Variants in SLC16A7 observed in about 807,000 individuals in gnomAD.
SLC16A7 encodes the protein monocarboxylate transporter 2.
SLC16A7 carries 33 observed loss-of-function variants against 34.9 expected under a neutral mutation model. That is an observed-to-expected ratio of 0.94 (90% CI 0.72 to 1.26). The LOEUF (loss-of-function observed/expected upper bound fraction) is 1.26, where lower values mean the gene tolerates loss of function less well. Ranked by LOEUF, SLC16A7 falls within the 50% of genes most tolerant of loss-of-function variation. The probability of loss-of-function intolerance (pLI) is 0.00; values close to 1 mark genes in which losing one functional copy is unlikely to be tolerated. For missense variants in SLC16A7, 573 were observed against 578.1 expected (o/e 0.99, Z 0.09); for synonymous variants, 201 against 206.6 (o/e 0.97, Z 0.23).
chr12:59,726,556 G>A (rs942905338), intron 3 of SLC16A7, among the ~76,000 whole-genome samples: 9 of 152,026 alleles, frequency 5.9e-5, no homozygotes, highest in Admixed American at 1.3e-4. Flanking sequence ...GAATTATGTG[G>A]TCTAAAATCT....
At chr12:59,613,827 A>G (rs896234005) in intron 1 of SLC16A7, among the ~76,000 whole-genome samples, 3 of 152,216 alleles carry the variant, frequency 2.0e-5, no homozygotes, top group Non-Finnish European at 2.9e-5. Context: ...AGAGTCTATG[A>G]CCAACAATTC....
chr12:59,740,942 G>A (rs1878253701), intron 3 of SLC16A7, among the ~76,000 whole-genome samples: 1 of 152,148 alleles, frequency 6.6e-6, no homozygotes, highest in Admixed American at 6.5e-5. Context: ...GCCAAATCAT[G>A]TGTGAACTCC....
intron 2 of SLC16A7, among the ~76,000 whole-genome samples, chr12:59,685,744 G>T (rs1025010664): frequency 6.6e-6 from 1 of 151,788 alleles, no homozygotes; most frequent in Non-Finnish European, 1.5e-5. Context: ...AATATACAAG[G>T]TTCTGTTTTC....
intron 3 of SLC16A7, among the ~76,000 whole-genome samples, chr12:59,757,850 C>T (rs1018354678): frequency 2.6e-5 from 4 of 152,068 alleles, no homozygotes; most frequent in African/African-American, 7.2e-5. Flanking sequence ...TTATGATTTT[C>T]TTAATTGCAT....
At chr12:59,626,494 A>C (rs776912277) in intron 1 of SLC16A7, among the ~76,000 whole-genome samples, 19 of 151,898 alleles carry the variant, frequency 1.3e-4, no homozygotes, top group Non-Finnish European at 1.6e-4. Flanking sequence ...AATTCTCTCC[A>C]TTTGACAGAT....
chr12:59,627,748 A>C (rs1390300700), intron 1 of SLC16A7, among the ~76,000 whole-genome samples: 1 of 149,746 alleles, frequency 6.7e-6, no homozygotes, highest in Non-Finnish European at 1.5e-5. Context: ...TTTCTTACTC[A>C]TTTTTTTCAG....
rs67613365 is a variant in SLC16A7 at position 59,596,489 on chromosome 12, TGA to T, written c.-130+255_-130+256del. Among the ~76,000 whole-genome samples, 98,259 of 151,554 alleles carry T rather than the reference TGA, an allele frequency of 0.65. 32,273 individuals carry two copies. The highest frequency in any genetic ancestry group is 0.78 in the South Asian group (3,768 of 4,814). ...TGCGCGCCGACAGCTGCCCGGGAAC[TGA>T]GGGGGCGCGCGGGGTCCTGGGCAAG... On this transcript the variant is annotated intron_variant, in intron 1 of 5. Transcript: ENST00000547379. This position sits in a 1 kb window ranked among gnomAD's most constrained non-coding sequence, Gnocchi z 5.0.
chr12:59,615,517 A>G (rs953836746), intron 1 of SLC16A7, among the ~76,000 whole-genome samples: 2 of 152,212 alleles, frequency 1.3e-5, no homozygotes, highest in Non-Finnish European at 2.9e-5. Context: ...TAAGATTAAA[A>G]AGAGGCACAT....
intron 3 of SLC16A7, among the ~76,000 whole-genome samples, chr12:59,750,259 A>C (rs12581981): frequency 0.15 from 22,740 of 152,188 alleles, 1,997 homozygotes; most frequent in Non-Finnish European, 0.19. Flanking sequence ...AAAAGAAACT[A>C]TCATCAGAGT....
intron 1 of SLC16A7, among the ~76,000 whole-genome samples, chr12:59,607,386 CTA>C (rs1878994474): frequency 1.3e-5 from 2 of 152,234 alleles, no homozygotes; most frequent in African/African-American, 2.4e-5. Context: ...TCATATTACT[CTA>C]TATAATTTAT....
At chr12:59,618,059 A>G (rs1331337407) in intron 1 of SLC16A7, among the ~76,000 whole-genome samples, 1 of 151,884 alleles carries the variant, frequency 6.6e-6, no homozygotes, top group Admixed American at 6.6e-5. Context: ...TTTCCTCATA[A>G]GGGGCAAAGA....
chr12:59,644,424 G>A (rs1880820736), intron 1 of SLC16A7, among the ~76,000 whole-genome samples: 1 of 151,994 alleles, frequency 6.6e-6, no homozygotes. Context: ...AAAATGAGCC[G>A]AACATGTTGG....
intron 2 of SLC16A7, among the ~76,000 whole-genome samples, chr12:59,695,806 A>T (rs1340016434): frequency 6.6e-6 from 1 of 152,000 alleles, no homozygotes; most frequent in Non-Finnish European, 1.5e-5. Flanking sequence ...TATATTCAGC[A>T]CCATATTTAA....
intron 3 of SLC16A7, among the ~76,000 whole-genome samples, chr12:59,757,562 C>T (rs1388495659): frequency 6.6e-6 from 1 of 152,020 alleles, no homozygotes; most frequent in Non-Finnish European, 1.5e-5. Context: ...AAGATTAGTC[C>T]TCTATAGAAA....
chr12:59,724,087 C>T (rs1875950638), intron 3 of SLC16A7, among the ~76,000 whole-genome samples: 1 of 152,012 alleles, frequency 6.6e-6, no homozygotes, highest in African/African-American at 2.4e-5. Flanking sequence ...CTCACCAGCT[C>T]CATAATCAGT....
Position 59,779,557 on chromosome 12 carries a change from G to C in SLC16A7, c.1315G>C (p.Glu439Gln). ...YRLLAKERKE[E>Q]NARQKTRESE... ...ATTGCTTGCAAAGGAAAGGAAGGAG[G>C]AAAATGCAAGGCAGAAGACCAGAGA... Residue 439 changes from glutamate to glutamine, a missense_variant, in exon 6 of 6, where the codon GAA becomes CAA. Glu to Gln is a conservative substitution (Grantham distance 29). Transcript: ENST00000547379. The C allele has an allele frequency of 1.2e-6, 2 of 1,612,568 alleles. No homozygotes were observed. Among genetic ancestry groups the C allele is most frequent in the Non-Finnish European group, 1.7e-6 (2 of 1,179,126 alleles).
intron 3 of SLC16A7, among the ~76,000 whole-genome samples, chr12:59,741,600 G>A (rs1878352998): frequency 1.3e-5 from 2 of 152,176 alleles, no homozygotes; most frequent in African/African-American, 4.8e-5. Flanking sequence ...ACCGTTTTCA[G>A]TTACCACCAT....
chr12:59,756,237 A>G (rs1273913782), intron 3 of SLC16A7, among the ~76,000 whole-genome samples: 1 of 152,238 alleles, frequency 6.6e-6, no homozygotes, highest in African/African-American at 2.4e-5. Context: ...AATGGCAACA[A>G]AAGCCAAAAT....
At chr12:59,678,711 GC>G (rs1870507986) in intron 2 of SLC16A7, among the ~76,000 whole-genome samples, 1 of 152,058 alleles carries the variant, frequency 6.6e-6, no homozygotes, top group Non-Finnish European at 1.5e-5. Flanking sequence ...TGGCAGCCTG[GC>G]CCCCAAGCTT....
Sources: allele counts gnomAD v4.1 joint callset (sites outside exome capture counted in the v4.1 genomes callset), GRCh38; gene constraint gnomAD v4.1.1; non-coding constraint Gnocchi (gnomAD v3.1); transcripts MANE v1.5; gene names NCBI Gene and HGNC (gene_info 2026-07-23, HGNC 2026-07-21).